The following KAT6B variants were observed in gnomAD, a reference collection of about 807,000 sequenced individuals.
KAT6B encodes histone acetyltransferase KAT6B.
Under a neutral mutation model 187.5 loss-of-function variants are expected in KAT6B, and 10 were observed. That is an observed-to-expected ratio of 0.05 (90% confidence interval 0.03 to 0.09). The LOEUF is 0.09. Among genes scored for constraint, KAT6B ranks in the 10% least tolerant of loss-of-function variants. The probability of loss-of-function intolerance (pLI) is 1.00; values close to 1 mark genes in which losing one functional copy is unlikely to be tolerated. For synonymous variants in KAT6B, 861 were observed against 926.8 expected (o/e 0.93, Z 1.29); for missense variants, 1,952 against 2,558.9 (o/e 0.76, Z 5.12).
At chr10:74,929,722 A>T (rs1564570080) in intron 3 of KAT6B, among the ~76,000 whole-genome samples, 1 of 152,200 alleles carries the variant, frequency 6.6e-6, no homozygotes, top group Non-Finnish European at 1.5e-5. Context: ...AATTTATACC[A>T]AGTAATTATT....
chr10:74,913,407 T>C (rs1221569648), intron 3 of KAT6B, among the ~76,000 whole-genome samples: 2 of 152,250 alleles, frequency 1.3e-5, no homozygotes, highest in African/African-American at 4.8e-5. Context: ...AGAACAGTTA[T>C]AACTATATGT....
At chr10:74,903,428 A>C (rs1846539668) in intron 3 of KAT6B, among the ~76,000 whole-genome samples, 1 of 152,196 alleles carries the variant, frequency 6.6e-6, no homozygotes, top group Middle Eastern at 3.2e-3. Context: ...TGAAGCATGA[A>C]TAGGATTTGA....
chr10:74,837,847 AT>A (rs10605934), intron 1 of KAT6B, among the ~76,000 whole-genome samples: 10,976 of 142,060 alleles, frequency 0.077, 512 homozygotes, highest in South Asian at 0.28. Flanking sequence ...CTAGCTGTGT[AT>A]TTTTTTTTTT....
intron 3 of KAT6B, among the ~76,000 whole-genome samples, chr10:74,949,285 A>G (rs1840154183): frequency 1.3e-5 from 2 of 152,192 alleles, no homozygotes; most frequent in African/African-American, 2.4e-5. Context: ...GCAGTTTCTA[A>G]TGGCAGAAGT....
chr10:74,928,736 A>C (rs937752745), intron 3 of KAT6B, among the ~76,000 whole-genome samples: 2 of 152,180 alleles, frequency 1.3e-5, no homozygotes, highest in African/African-American at 2.4e-5. Context: ...TTTTCTTGAA[A>C]AATTAAGACA....
chr10:74,850,088 A>G (rs978239579), intron 3 of KAT6B, among the ~76,000 whole-genome samples: 4 of 152,026 alleles, frequency 2.6e-5, no homozygotes, highest in Non-Finnish European at 5.9e-5. Context: ...ACAGGCGCCC[A>G]CCACCACGCC....
chr10:74,857,029 G>A (rs1371835583), intron 3 of KAT6B, among the ~76,000 whole-genome samples: 1 of 152,110 alleles, frequency 6.6e-6, no homozygotes, highest in East Asian at 1.9e-4. Flanking sequence ...GTTGGTTAAG[G>A]TGGCATCTGC....
intron 3 of KAT6B, among the ~76,000 whole-genome samples, chr10:74,850,905 G>C (rs960177047): frequency 6.6e-6 from 1 of 152,092 alleles, no homozygotes; most frequent in African/African-American, 2.4e-5. Flanking sequence ...TCAAGTCTTG[G>C]TCTGTTTCCA....
intron 13 of KAT6B, 95 bp from the exon 14 acceptor site, chr10:75,020,487 T>C: frequency 1.2e-6 from 1 of 855,754 alleles, no homozygotes; most frequent in Non-Finnish European, 2.0e-6. Flanking sequence ...TGTGATGTTT[T>C]TACCTTGTCA....
chr10:74,923,577 G>A (rs763565616), intron 3 of KAT6B, among the ~76,000 whole-genome samples: 5 of 152,212 alleles, frequency 3.3e-5, no homozygotes, highest in Non-Finnish European at 7.3e-5. Flanking sequence ...GACTTCTGAG[G>A]GAAGTGAGGG....
intron 16 of KAT6B, 85 bp from the exon 17 acceptor site, chr10:75,024,873 G>C: frequency 2.4e-6 from 3 of 1,248,928 alleles, no homozygotes; most frequent in Non-Finnish European, 3.5e-6. Flanking sequence ...TCTCAGACAC[G>C]CGTTCAGTAC....
chr10:74,912,112 A>C (rs1392205304), intron 3 of KAT6B, among the ~76,000 whole-genome samples: 1 of 152,148 alleles, frequency 6.6e-6, no homozygotes, highest in African/African-American at 2.4e-5. Flanking sequence ...AGGTGCAATA[A>C]GTGTTTATGA....
chr10:74,969,637 C>A (rs1397084125), intron 4 of KAT6B, 23 bp from the exon 5 acceptor site: 2 of 1,411,328 alleles, frequency 1.4e-6, no homozygotes, highest in African/African-American at 2.8e-5. Context: ...TCCCATCAAG[C>A]AATTTGCTTT....
rs554480057 is a variant in KAT6B at position 75,017,355 on chromosome 10, G to A, written c.2630-3227G>A. Among the ~76,000 whole-genome samples, 69 of 152,152 alleles carry A rather than the reference G, an allele frequency of 4.5e-4. 1 individual carries two copies. Among genetic ancestry groups the A allele is most frequent in the Non-Finnish European group, 7.5e-4 (51 of 68,010 alleles). On this transcript the variant is annotated intron_variant, in intron 13 of 17. Coordinates refer to ENST00000287239, the MANE Select transcript of KAT6B (RefSeq NM_012330.4). The stretch of plus-strand genomic sequence containing the variant: ...AAGAGCCTAGAAAAAAATAGAGGCC[G>A]GGCACAGTGGCTCACGCCTGTAATC...
chr10:74,970,446 T>C (rs1228785049), intron 6 of KAT6B, among the ~76,000 whole-genome samples: 2 of 152,130 alleles, frequency 1.3e-5, no homozygotes, highest in Admixed American at 1.3e-4. Flanking sequence ...TTCAGCACAG[T>C]GTTAAGAGCT....
chr10:74,925,423 C>A (rs73285898), intron 3 of KAT6B, among the ~76,000 whole-genome samples: 3 of 148,712 alleles, frequency 2.0e-5, no homozygotes, highest in Admixed American at 6.7e-5. Flanking sequence ...TTTTTCCCCC[C>A]ACAAGTGAAG....
intron 1 of KAT6B, among the ~76,000 whole-genome samples, chr10:74,830,456 A>G (rs895262403): frequency 6.6e-6 from 1 of 151,766 alleles, no homozygotes; most frequent in Admixed American, 6.6e-5. Flanking sequence ...GTTTTTGCTT[A>G]TTTTCCCAGC....
intron 3 of KAT6B, among the ~76,000 whole-genome samples, chr10:74,849,941 CT>C (rs751911800): frequency 1.9e-3 from 266 of 137,852 alleles, no homozygotes; most frequent in Middle Eastern, 7.5e-3. Context: ...ACAGTGGTGG[CT>C]TTTTTTTTTT....
chr10:74,990,186 G>C, intron 13 of KAT6B, among the ~76,000 whole-genome samples: 1 of 102,538 alleles, frequency 9.8e-6, no homozygotes, highest in Admixed American at 1.6e-4. Context: ...CAGAGTGAGA[G>C]ACTCTGTCTC....
Sources: gnomAD v4.1 joint callset for allele counts (sites outside exome capture counted in the v4.1 genomes callset) on GRCh38, gnomAD v4.1.1 for gene constraint, MANE v1.5 for transcripts, NCBI Gene and HGNC (gene_info 2026-07-23, HGNC 2026-07-21) for gene names.